Variants in DENND1B observed in about 807,000 individuals in gnomAD.
DENND1B encodes the protein DENN domain containing 1B.
In DENND1B, 59 loss-of-function variants were observed where a neutral mutation model predicts 90.1. That is an observed-to-expected ratio of 0.65 (90% CI 0.53 to 0.81). The LOEUF is 0.81. Among genes scored for constraint, DENND1B ranks in the 40% least tolerant of loss-of-function variants. DENND1B has a pLI of 0.00. For synonymous variants in DENND1B, 337 were observed against 324.6 expected (o/e 1.04, Z -0.41); for missense variants, 862 against 912.6 (o/e 0.94, Z 0.71).
intron 3 of DENND1B, among the ~76,000 whole-genome samples, chr1:197,687,088 T>G (rs1657324293): frequency 6.6e-6 from 1 of 152,228 alleles, no homozygotes; most frequent in South Asian, 2.1e-4. Flanking sequence ...ATGGGAGTCT[T>G]TATTTCTGAA....
At chr1:197,551,394 A>C (rs1671231124) in intron 16 of DENND1B, among the ~76,000 whole-genome samples, 1 of 152,150 alleles carries the variant, frequency 6.6e-6, no homozygotes, top group African/African-American at 2.4e-5. Flanking sequence ...ATAAGAGTTC[A>C]AAACCTTTTC....
intron 15 of DENND1B, among the ~76,000 whole-genome samples, chr1:197,572,274 T>TGGCTC (rs1054731940): frequency 6.6e-6 from 1 of 152,182 alleles, no homozygotes; most frequent in Non-Finnish European, 1.5e-5. Context: ...CTTCTGTGCC[T>TGGCTC]GGCTCAGTGG....
chr1:197,765,967 A>G (rs1655646989), intron 2 of DENND1B, among the ~76,000 whole-genome samples: 1 of 152,258 alleles, frequency 6.6e-6, no homozygotes, highest in Non-Finnish European at 1.5e-5. Context: ...GCACCAAGCC[A>G]CATATAAAAG....
chr1:197,549,648 T>G (rs1210370420), intron 16 of DENND1B, among the ~76,000 whole-genome samples: 1 of 152,182 alleles, frequency 6.6e-6, no homozygotes, highest in Non-Finnish European at 1.5e-5. Flanking sequence ...TTTACTTAAA[T>G]GCATCCTTTG....
At position 197,584,779 on chromosome 1, in the gene DENND1B, C is replaced by CT. The variant is rs552078210; in HGVS notation, c.1048-1527dup. 2.6e-3 allele frequency among the ~76,000 whole-genome samples: 402 copies of CT among 152,026 alleles called. 5 individuals are homozygous for CT. In the Middle Eastern group the frequency reaches 0.037, roughly 14 times the overall value. ...CTTGACCTCCTGGGCTCAGGTGATC[C>CT]TCCCACCTCAGCCTCCCAAGTAGCT... On this transcript the variant is annotated intron_variant, in intron 14 of 22. Transcript: ENST00000620048.
intron 2 of DENND1B, among the ~76,000 whole-genome samples, chr1:197,755,572 A>G (rs867272845): frequency 2.6e-5 from 4 of 152,348 alleles, no homozygotes; most frequent in Middle Eastern, 6.8e-3. Flanking sequence ...GCTTAAACTA[A>G]TAAGAATTTC....
rs926419272 is a variant in DENND1B, at chr1:197,507,032, G to T, written c.*3428C>A. The T allele has an allele frequency of 4.0e-5, 6 of 151,036 alleles. No homozygotes were observed. Among genetic ancestry groups the T allele is most frequent in the Non-Finnish European group, 7.4e-5 (5 of 67,516 alleles). 9.4% of individuals were successfully genotyped at this position (151,036 alleles called of 1,614,324 possible). Reference sequence around the variant, plus strand: ...ATAATTGAGAAAGTTAATGAAATTAGAAATGATACTATGGTTCATACTTAG... The same window carrying T: ...ATAATTGAGAAAGTTAATGAAATTATAAATGATACTATGGTTCATACTTAG... On this transcript the variant is annotated 3_prime_UTR_variant, in exon 23 of 23. Coordinates refer to ENST00000620048, the MANE Select transcript of DENND1B (RefSeq NM_001195215.2).
intron 3 of DENND1B, among the ~76,000 whole-genome samples, chr1:197,705,267 C>A (rs2102179550): frequency 6.6e-6 from 1 of 152,182 alleles, no homozygotes; most frequent in Non-Finnish European, 1.5e-5. Context: ...TTATTCAAGG[C>A]CCTTGACTAG....
intron 10 of DENND1B, among the ~76,000 whole-genome samples, chr1:197,642,480 A>T (rs886135846): frequency 2.6e-5 from 4 of 152,056 alleles, no homozygotes; most frequent in African/African-American, 9.7e-5. Flanking sequence ...AGAAAAAAAA[A>T]CTCTCATCTC....
At chr1:197,753,308 C>G (rs114813245) in intron 2 of DENND1B, among the ~76,000 whole-genome samples, 1 of 151,788 alleles carries the variant, frequency 6.6e-6, no homozygotes, top group Non-Finnish European at 1.5e-5. Flanking sequence ...TAAAGCAAGA[C>G]AGGCAAAAAT....
intron 16 of DENND1B, among the ~76,000 whole-genome samples, chr1:197,548,022 G>C (rs988461881): frequency 1.3e-5 from 2 of 152,154 alleles, no homozygotes; most frequent in African/African-American, 4.8e-5. Context: ...ATGAATGTAA[G>C]AAAGTGGAAG....
At chr1:197,553,174 T>C (rs537046771) in intron 15 of DENND1B, 62 bp from the exon 16 acceptor site, 62 of 1,339,738 alleles carry the variant, frequency 4.6e-5, no homozygotes, top group Non-Finnish European at 5.4e-5. Flanking sequence ...AAAATGTTAA[T>C]TTTTCATTTT....
intron 5 of DENND1B, among the ~76,000 whole-genome samples, chr1:197,669,237 T>TATAC (rs1655245563): frequency 6.6e-6 from 1 of 152,140 alleles, no homozygotes; most frequent in Admixed American, 6.6e-5. Context: ...GGATTCCATG[T>TATAC]ATACTCTCAC....
At chr1:197,552,189 A>T (rs1038389817) in intron 16 of DENND1B, 2 of 976,188 alleles carry the variant, frequency 2.0e-6, no homozygotes, top group Middle Eastern at 5.2e-4. Flanking sequence ...TTTTCCTCAA[A>T]ACAAACATAC....
At chr1:197,627,575 C>G (rs1417922216) in intron 10 of DENND1B, among the ~76,000 whole-genome samples, 2 of 151,988 alleles carry the variant, frequency 1.3e-5, no homozygotes, top group African/African-American at 4.8e-5. Context: ...CAATATCATA[C>G]TGAATGGGCA....
chr1:197,613,355 C>T (rs1291824333), intron 11 of DENND1B, among the ~76,000 whole-genome samples: 1 of 150,754 alleles, frequency 6.6e-6, no homozygotes, highest in Non-Finnish European at 1.5e-5. Flanking sequence ...CATTCTAGTT[C>T]ATTACTTCTT....
intron 10 of DENND1B, among the ~76,000 whole-genome samples, chr1:197,621,926 A>G (rs961141687): frequency 6.6e-6 from 1 of 151,474 alleles, no homozygotes; most frequent in African/African-American, 2.4e-5. Context: ...AGCATACCCA[A>G]TATATTGAAC....
intron 2 of DENND1B, among the ~76,000 whole-genome samples, chr1:197,764,909 T>C (rs1202005250): frequency 6.6e-6 from 1 of 152,036 alleles, no homozygotes; most frequent in Non-Finnish European, 1.5e-5. Context: ...TAATGCTCAT[T>C]GTGAGAATTT....
chr1:197,768,852 GTGT>G (rs779578489), intron 2 of DENND1B, among the ~76,000 whole-genome samples: 1 of 150,872 alleles, frequency 6.6e-6, no homozygotes. Context: ...GTTCTGAAAT[GTGT>G]TGTTCTCAAA....
Sources: allele counts gnomAD v4.1 joint callset (sites outside exome capture counted in the v4.1 genomes callset), GRCh38; gene constraint gnomAD v4.1.1; transcripts MANE v1.5; gene names NCBI Gene and HGNC (gene_info 2026-07-23, HGNC 2026-07-21).